The following MED28 variants were observed in gnomAD, a reference collection of about 807,000 sequenced individuals.
MED28 encodes the protein mediator of RNA polymerase II transcription subunit 28.
A neutral mutation model predicts 21.3 loss-of-function variants in MED28; 26 were observed. The ratio of observed to expected loss-of-function variants is 1.22; its 90% CI spans 0.89 to 1.69. The LOEUF is 1.69. MED28 is among the 40% of genes most tolerant of loss of function. The probability of loss-of-function intolerance (pLI) is 0.00; values close to 1 mark genes in which losing one functional copy is unlikely to be tolerated. For missense variants in MED28, 257 were observed against 215.4 expected, an observed-to-expected ratio of 1.19 and a Z score of -1.21; for synonymous variants, 110 against 87.6, an observed-to-expected ratio of 1.26 and a Z score of -1.43.
At chr4:17,622,114 C>T (rs1325888222) in intron 3 of MED28, among the ~76,000 whole-genome samples, 1 of 152,214 alleles carries the variant, frequency 6.6e-6, no homozygotes, top group African/African-American at 2.4e-5. Context: ...ACCCAGGTTC[C>T]TGGAAACTCA....
chr4:17,628,521 C>T lies in MED28; in HGVS notation c.*4723C>T, dbSNP rs1714832035. On this transcript the variant is annotated 3_prime_UTR_variant, in exon 4 of 4. Transcript: ENST00000237380. Reference sequence around the variant, plus strand: ...CCTAAAAGAGGTTCTTTGTGACACCCTCTGTCTGAGAAGTCCTATGGTTCT... The same window carrying T: ...CCTAAAAGAGGTTCTTTGTGACACCTTCTGTCTGAGAAGTCCTATGGTTCT... 6.6e-6 allele frequency: 1 copy of T among 152,106 alleles called. No individual in the cohort carries two copies. Among genetic ancestry groups the T allele is most frequent in the Admixed American group, 6.6e-5 (1 of 15,252 alleles). The allele number at this position is 152,106 out of a possible 1,614,324, so 9.4% of individuals were successfully genotyped here.
intron 3 of MED28, among the ~76,000 whole-genome samples, chr4:17,622,237 C>G (rs1356698971): frequency 6.6e-6 from 1 of 152,112 alleles, no homozygotes; most frequent in Non-Finnish European, 1.5e-5. Flanking sequence ...AGGACCTGCC[C>G]CATGTGATGT....
At chr4:17,616,666 A>AC (rs1292231565) in intron 1 of MED28, among the ~76,000 whole-genome samples, 2 of 152,014 alleles carry the variant, frequency 1.3e-5, no homozygotes, top group Non-Finnish European at 2.9e-5. Context: ...TCCTCAGTGG[A>AC]CCCTTCCCTG....
At position 17,632,636 on chromosome 4, in the gene MED28, A is replaced by AAT. The variant is rs1560161813; in HGVS notation, c.*8839_*8840insTA. 6 of 1,535,914 alleles carry AAT rather than the reference A, an allele frequency of 3.9e-6. No individual in the cohort carries two copies. Among genetic ancestry groups the AAT allele is most frequent in the Non-Finnish European group, 5.3e-6 (6 of 1,135,638 alleles). On this transcript the variant is annotated 3_prime_UTR_variant, in exon 4 of 4. Coordinates refer to ENST00000237380, the MANE Select transcript of MED28 (RefSeq NM_025205.5). ...TCACCATCTGGGGTCCTAAAAGCAA[A>AAT]AAAAGGTTTTTTTATATGGTTTTGA... is the stretch of plus-strand genomic sequence containing the variant.
chr4:17,615,268 G>C (rs1412750343), intron 1 of MED28, among the ~76,000 whole-genome samples: 1 of 152,176 alleles, frequency 6.6e-6, no homozygotes, highest in African/African-American at 2.4e-5. Flanking sequence ...GCGCAGCTTG[G>C]TACTAAGAGC....
Position 17,620,219 on chromosome 4 carries a change from A to C in MED28, c.226+252A>C, listed in dbSNP as rs561692532. On this transcript the variant is annotated intron_variant, in intron 2 of 3. Transcript: ENST00000237380. ...GTAAAGAAGAAGACCAATAGTGTGT[A>C]CTGCTTTTTAAAAAAATTTTATTAT... is the stretch of plus-strand genomic sequence containing the variant. 8 of 443,348 alleles carry C rather than the reference A, an allele frequency of 1.8e-5. No homozygotes were observed. In the South Asian group the frequency reaches 2.5e-4, roughly 14 times the overall value. 27.5% of individuals were successfully genotyped at this position (443,348 alleles called of 1,614,324 possible).
rs1445092703 is a variant in MED28 at position 17,628,667 on chromosome 4, G to A, written c.*4869G>A. Reference sequence around the variant, plus strand: ...AATTGTGTCTCGGGGCATGCCTGGTGGAGGACCTGACTGAGACAATTGTGA... The same window carrying A: ...AATTGTGTCTCGGGGCATGCCTGGTAGAGGACCTGACTGAGACAATTGTGA... On this transcript the variant is annotated 3_prime_UTR_variant, in exon 4 of 4. Transcript: ENST00000237380. 1 of 152,182 alleles carries A rather than the reference G, an allele frequency of 6.6e-6. No individual in the cohort carries two copies. The highest frequency in any genetic ancestry group is 1.5e-5 in the Non-Finnish European group (1 of 68,060). The allele number at this position is 152,182 out of a possible 1,614,324, so 9.4% of individuals were successfully genotyped here.
chr4:17,615,857 A>G (rs1391745087), intron 1 of MED28, among the ~76,000 whole-genome samples: 1 of 149,972 alleles, frequency 6.7e-6, no homozygotes, highest in Non-Finnish European at 1.5e-5. Context: ...CAACTTTGTG[A>G]CTTTTGTATT....
At chr4:17,620,697 T>C (rs1194554877) in intron 2 of MED28, among the ~76,000 whole-genome samples, 6 of 144,974 alleles carry the variant, frequency 4.1e-5, no homozygotes, top group East Asian at 2.0e-4. Flanking sequence ...TGTCTCTTTT[T>C]TTTTTTTTTT....
At chr4:17,622,174 T>C (rs77369004) in intron 3 of MED28, among the ~76,000 whole-genome samples, 2,176 of 152,208 alleles carry the variant, frequency 0.014, 22 homozygotes, top group South Asian at 0.023. Flanking sequence ...GGAAGTGTGT[T>C]GGGGTTGCCA....
In MED28 at chr4:17,632,137, C is replaced by G. The variant is rs910555346; in HGVS notation, c.*8339C>G. 3 of 141,894 alleles carry G rather than the reference C, an allele frequency of 2.1e-5. No homozygotes were observed. The highest frequency in any genetic ancestry group is 3.0e-5 in the Non-Finnish European group (2 of 66,504). The allele number at this position is 141,894 out of a possible 1,614,324, so 8.8% of individuals were successfully genotyped here. ...CCAGGCTGGTTGGAATGCAGGAGTT[C>G]GAACTTGGCTCACTGCAACCTCTGC... On this transcript the variant is annotated 3_prime_UTR_variant, in exon 4 of 4. Transcript: ENST00000237380.
chr4:17,618,487 A>C (rs1038824549), intron 1 of MED28, among the ~76,000 whole-genome samples: 2 of 151,986 alleles, frequency 1.3e-5, no homozygotes, highest in African/African-American at 4.8e-5. Flanking sequence ...AAGGAAGTAC[A>C]TCCTACCCAC....
rs763464525 is a variant in MED28 at position 17,623,800 on chromosome 4, C to A, written c.*2C>A. The A allele has an allele frequency of 3.1e-6, 5 of 1,612,446 alleles. No homozygotes were observed. The highest frequency in any genetic ancestry group is 4.2e-6 in the Non-Finnish European group (5 of 1,179,220). ...CCTGCACCTCTGAAGCCAACGTGAG[C>A]AAAGGGCAGAGGCAGTTGGCCTATG... On this transcript the variant is annotated 3_prime_UTR_variant, in exon 4 of 4. Coordinates refer to ENST00000237380, the MANE Select transcript of MED28 (RefSeq NM_025205.5).
intron 3 of MED28, among the ~76,000 whole-genome samples, chr4:17,622,987 G>A (rs1409550719): frequency 6.6e-6 from 1 of 152,206 alleles, no homozygotes; most frequent in Non-Finnish European, 1.5e-5. Flanking sequence ...CGACACATGG[G>A]AATTGTAGGA....
rs143924010 is a variant in MED28, at chr4:17,632,187, G to A, written c.*8389G>A. On this transcript the variant is annotated 3_prime_UTR_variant, in exon 4 of 4. Coordinates refer to ENST00000237380, the MANE Select transcript of MED28 (RefSeq NM_025205.5). ...CCTCCTAGGTTCAAGTGATCCTCCC[G>A]CCTCAGTCCCCCAAGTACCTGGGAC... 2,529 of 154,712 alleles carry A rather than the reference G, an allele frequency of 0.016. 75 individuals are homozygous for A. The highest frequency in any genetic ancestry group is 0.057 in the African/African-American group (2,321 of 40,824). The allele number at this position is 154,712 out of a possible 1,614,324, so 9.6% of individuals were successfully genotyped here. A position where few individuals can be genotyped will look rare whatever the true frequency, so the allele number is the denominator to read the frequency against.
At chr4:17,615,000 G>A (rs1300769713) in intron 1 of MED28, among the ~76,000 whole-genome samples, 187 bp downstream of exon 1, 2 of 152,232 alleles carry the variant, frequency 1.3e-5, no homozygotes, top group Non-Finnish European at 2.9e-5. Context: ...GCTGGCGGGG[G>A]CGCGTAAACT....
At position 17,623,581 on chromosome 4, in the gene MED28, T is replaced by G; in HGVS notation, c.340-20T>G. 6.2e-7 allele frequency: 1 copy of G among 1,611,982 alleles called. No homozygotes were observed. Among genetic ancestry groups the G allele is most frequent in the Non-Finnish European group, 8.5e-7 (1 of 1,178,670 alleles). On this transcript the variant is annotated intron_variant, in intron 3 of 3. Transcript: ENST00000237380. ...TTTTCCTGCATTTGCTCTGACTTAGTCCATGACTTTCATCTGCAGGATGTG... is the reference window on the plus strand; with the variant it reads ...TTTTCCTGCATTTGCTCTGACTTAGGCCATGACTTTCATCTGCAGGATGTG...
At chr4:17,618,813 T>C (rs947052740) in intron 1 of MED28, among the ~76,000 whole-genome samples, 10 of 152,188 alleles carry the variant, frequency 6.6e-5, no homozygotes, top group African/African-American at 2.2e-4. Context: ...GTGTTGGGAT[T>C]ACAGGCGTGA....
In MED28 at chr4:17,623,584, A is replaced by T. The variant is rs758299059; in HGVS notation, c.340-17A>T. Reference sequence around the variant, plus strand: ...TCCTGCATTTGCTCTGACTTAGTCCATGACTTTCATCTGCAGGATGTGTCA... The same window carrying T: ...TCCTGCATTTGCTCTGACTTAGTCCTTGACTTTCATCTGCAGGATGTGTCA... On this transcript the variant is annotated splice_polypyrimidine_tract_variant and intron_variant, in intron 3 of 3. Coordinates refer to ENST00000237380, the MANE Select transcript of MED28 (RefSeq NM_025205.5). The T allele has an allele frequency of 1.9e-6, 3 of 1,612,888 alleles. No homozygotes were observed. The South Asian group carries it at 3.3e-5, about 18-fold the overall frequency.
Sources: gnomAD v4.1 joint callset for allele counts (sites outside exome capture counted in the v4.1 genomes callset) on GRCh38, gnomAD v4.1.1 for gene constraint, MANE v1.5 for transcripts, NCBI Gene and HGNC (gene_info 2026-07-23, HGNC 2026-07-21) for gene names.